The following TMEM132D variants were observed in gnomAD, a reference collection of about 807,000 sequenced individuals.
The protein encoded by TMEM132D is mature OL transmembrane protein.
TMEM132D carries 21 observed loss-of-function variants against 62.3 expected under a neutral mutation model. The ratio of observed to expected loss-of-function variants is 0.34; its 90% CI spans 0.24 to 0.49. TMEM132D has a LOEUF of 0.49. Among genes scored for constraint, TMEM132D ranks in the 20% least tolerant of loss-of-function variants. The pLI, the probability that TMEM132D is intolerant of heterozygous loss-of-function variation, is 0.99. For missense variants in TMEM132D, 1,346 were observed against 1,402.8 expected, an observed-to-expected ratio of 0.96 and a Z score of 0.65; for synonymous variants, 621 against 575.6, an observed-to-expected ratio of 1.08 and a Z score of -1.13.
intron 2 of TMEM132D, among the ~76,000 whole-genome samples, chr12:129,593,233 CT>C (rs1045954596): frequency 3.0e-4 from 46 of 152,280 alleles, no homozygotes; most frequent in African/African-American, 1.1e-3. Flanking sequence ...GAATACTGGA[CT>C]TTTTGTTTGT....
intron 3 of TMEM132D, among the ~76,000 whole-genome samples, chr12:129,459,049 C>G (rs972654970): frequency 3.3e-5 from 5 of 152,168 alleles, no homozygotes; most frequent in African/African-American, 4.8e-5. Flanking sequence ...CACATCAGGG[C>G]TCTGTGCTCA....
rs770577561 is a variant in TMEM132D at position 129,081,953 on chromosome 12, C to T, written c.1729G>A (p.Val577Met). Reference protein sequence around the residue: ...GCTLQYQHAMVRVLTQFVAEA... With the variant: ...GCTLQYQHAMMRVLTQFVAEA... Reference sequence around the variant, plus strand: ...GCCACAAACTGCGTCAGGACCCGCACCATGGCGTGCTGGTACTGCAGGGTG... The same window carrying T: ...GCCACAAACTGCGTCAGGACCCGCATCATGGCGTGCTGGTACTGCAGGGTG... Residue 577 changes from valine (V) to methionine (M), a missense_variant, in exon 7 of 9, where the codon GTG becomes ATG. Physicochemically the swap from Val to Met is conservative, Grantham distance 21. Coordinates refer to ENST00000422113, the MANE Select transcript of TMEM132D (RefSeq NM_133448.3). 1.9e-6 allele frequency: 3 copies of T among 1,614,084 alleles called. No individual in the cohort carries two copies. The highest frequency in any genetic ancestry group is 2.2e-5 in the South Asian group (2 of 91,082).
chr12:129,178,142 G>A (rs368938291), intron 5 of TMEM132D, among the ~76,000 whole-genome samples: 2 of 152,164 alleles, frequency 1.3e-5, no homozygotes. Context: ...AGGTGTGTAT[G>A]TACCACATTT....
chr12:129,146,768 TAAC>T (rs1196258051), intron 5 of TMEM132D, among the ~76,000 whole-genome samples: 1 of 152,170 alleles, frequency 6.6e-6, no homozygotes, highest in Non-Finnish European at 1.5e-5. Flanking sequence ...CTGGGACTAA[TAAC>T]AACAGGTTAC....
chr12:129,359,449 G>A (rs1870178071), intron 3 of TMEM132D, among the ~76,000 whole-genome samples: 1 of 152,168 alleles, frequency 6.6e-6, no homozygotes, highest in Admixed American at 6.5e-5. Flanking sequence ...TGAGCGTTGT[G>A]TCTTTCACAG....
At chr12:129,585,457 G>T (rs1418083517) in intron 2 of TMEM132D, among the ~76,000 whole-genome samples, 1 of 152,196 alleles carries the variant, frequency 6.6e-6, no homozygotes, top group Admixed American at 6.5e-5. Context: ...GGGCTGGCAG[G>T]AGCGCTGTCA....
At chr12:129,660,217 G>A (rs1393896538) in intron 2 of TMEM132D, among the ~76,000 whole-genome samples, 1 of 152,144 alleles carries the variant, frequency 6.6e-6, no homozygotes, top group Non-Finnish European at 1.5e-5. Context: ...GGGTACATGG[G>A]AAAGCAATAA....
chr12:129,773,652 G>A (rs969959636), intron 1 of TMEM132D, among the ~76,000 whole-genome samples: 2 of 152,094 alleles, frequency 1.3e-5, no homozygotes, highest in African/African-American at 4.8e-5. Flanking sequence ...GATGCTCAGA[G>A]CAGGATTAAC....
chr12:129,798,098 T>C (rs1427605422), intron 1 of TMEM132D, among the ~76,000 whole-genome samples: 1 of 152,226 alleles, frequency 6.6e-6, no homozygotes, highest in Admixed American at 6.5e-5. Flanking sequence ...CCATGTGATG[T>C]ACTGGCTTCC....
intron 1 of TMEM132D, among the ~76,000 whole-genome samples, chr12:129,833,489 G>A (rs1872908211): frequency 6.6e-6 from 1 of 152,112 alleles, no homozygotes; most frequent in Non-Finnish European, 1.5e-5. Flanking sequence ...GCCAGCTGTG[G>A]TGGTGTGCAC....
intron 3 of TMEM132D, among the ~76,000 whole-genome samples, chr12:129,352,218 G>A (rs1037747871): frequency 6.6e-6 from 1 of 152,098 alleles, no homozygotes; most frequent in Non-Finnish European, 1.5e-5. Context: ...CTGATATCCC[G>A]ATATCTTGAG....
intron 2 of TMEM132D, among the ~76,000 whole-genome samples, chr12:129,636,300 AT>A (rs779041812): frequency 9.2e-5 from 14 of 152,328 alleles, no homozygotes; most frequent in Non-Finnish European, 1.6e-4. Context: ...AAAAAAATCT[AT>A]TTTGGGTAAA....
intron 2 of TMEM132D, among the ~76,000 whole-genome samples, chr12:129,621,582 G>T (rs1417328071): frequency 6.6e-6 from 1 of 152,164 alleles, no homozygotes; most frequent in Non-Finnish European, 1.5e-5. Context: ...CCTCTGCCTT[G>T]GTGTCCAAAT....
chr12:129,638,983 A>T (rs1032630423), intron 2 of TMEM132D, among the ~76,000 whole-genome samples: 2 of 152,212 alleles, frequency 1.3e-5, no homozygotes, highest in Admixed American at 1.3e-4. Flanking sequence ...CCGAGAGGAT[A>T]CATTTCCAAC....
intron 3 of TMEM132D, among the ~76,000 whole-genome samples, chr12:129,512,058 C>T (rs572457417): frequency 6.6e-6 from 1 of 152,246 alleles, no homozygotes; most frequent in Non-Finnish European, 1.5e-5. Flanking sequence ...TTTTGTTTTA[C>T]CGTACAGCAT....
intron 3 of TMEM132D, among the ~76,000 whole-genome samples, chr12:129,392,601 C>T (rs947999483): frequency 3.9e-5 from 6 of 152,178 alleles, no homozygotes; most frequent in African/African-American, 1.2e-4. Context: ...GGGCCAGTGG[C>T]GGCTGTGTTG....
chr12:129,595,842 G>A (rs1878321131), intron 2 of TMEM132D, among the ~76,000 whole-genome samples: 2 of 152,196 alleles, frequency 1.3e-5, no homozygotes, highest in African/African-American at 4.8e-5. Context: ...GTTTCCAGTG[G>A]TCCCTCAGCC....
At chr12:129,490,579 C>A (rs1305809158) in intron 3 of TMEM132D, among the ~76,000 whole-genome samples, 175 of 146,562 alleles carry the variant, frequency 1.2e-3, no homozygotes, top group African/African-American at 3.9e-3. Flanking sequence ...CAGGCGCCCG[C>A]CCACCACGCC....
At position 129,177,823 on chromosome 12, in the gene TMEM132D, G is replaced by A. The variant is rs562050954; in HGVS notation, c.1443+31697C>T. On this transcript the variant is annotated intron_variant, in intron 5 of 8. Coordinates refer to ENST00000422113, the MANE Select transcript of TMEM132D (RefSeq NM_133448.3). ...GCAGGATGTGCAGGTTTGTTACATC[G>A]GTAAATGTGTACCATAGTGGTTTGC... Among the ~76,000 whole-genome samples, 18 of 152,142 alleles carry A rather than the reference G, an allele frequency of 1.2e-4. No individual in the cohort carries two copies. The East Asian group carries it at 1.5e-3, about 13-fold the overall frequency.
Sources: allele counts gnomAD v4.1 joint callset (sites outside exome capture counted in the v4.1 genomes callset), GRCh38; gene constraint gnomAD v4.1.1; transcripts MANE v1.5; gene names NCBI Gene and HGNC (gene_info 2026-07-23, HGNC 2026-07-21).